Variants in ARHGAP15 observed in about 807,000 individuals in gnomAD.
ARHGAP15 encodes Rho GTPase activating protein 15.
ARHGAP15 carries 51 observed loss-of-function variants against 63.7 expected under a neutral mutation model. The observed-to-expected ratio is 0.80, with a 90% CI of 0.64 to 1.01. The LOEUF is 1.01. Ranked by LOEUF, ARHGAP15 falls within the 50% of genes least tolerant of loss-of-function variation. The pLI is 0.00. For synonymous variants in ARHGAP15, 191 were observed against 193.8 expected, an observed-to-expected ratio of 0.99 and a Z score of 0.12; for missense variants, 560 against 564.6, an observed-to-expected ratio of 0.99 and a Z score of 0.08.
chr2:143,728,224 G>A (rs1171987636), intron 13 of ARHGAP15, among the ~76,000 whole-genome samples: 2 of 152,224 alleles, frequency 1.3e-5, no homozygotes, highest in East Asian at 1.9e-4. Flanking sequence ...TACCCTTCAC[G>A]TGGTTTTACT....
chr2:143,401,739 G>C (rs907748140), intron 6 of ARHGAP15, among the ~76,000 whole-genome samples: 3 of 151,796 alleles, frequency 2.0e-5, no homozygotes, highest in African/African-American at 7.3e-5. Context: ...TAAATCCTGT[G>C]CAGATGTAAT....
chr2:143,369,807 C>G (rs1453294547), intron 6 of ARHGAP15, among the ~76,000 whole-genome samples: 1 of 151,928 alleles, frequency 6.6e-6, no homozygotes, highest in Non-Finnish European at 1.5e-5. Context: ...TATTCTTTTT[C>G]TTCTTCTTCT....
intron 13 of ARHGAP15, among the ~76,000 whole-genome samples, chr2:143,714,845 T>C (rs1195349681): frequency 6.6e-6 from 1 of 152,204 alleles, no homozygotes; most frequent in Admixed American, 6.5e-5. Flanking sequence ...ATTGTTCATA[T>C]CACTATCAGC....
chr2:143,605,858 C>CAAAAAAAAAAAAAAAAAAAAA (rs373847590), intron 11 of ARHGAP15, among the ~76,000 whole-genome samples: 5 of 85,310 alleles, frequency 5.9e-5, no homozygotes, highest in East Asian at 3.5e-4. Flanking sequence ...TACTAAAATA[C>CAAAAAAAAAAAAAAAAAAAAA]AAAAAAAAAA....
At chr2:143,664,318 C>T (rs1282206142) in intron 12 of ARHGAP15, among the ~76,000 whole-genome samples, 1 of 151,256 alleles carries the variant, frequency 6.6e-6, no homozygotes. Context: ...TGAATGACTA[C>T]TGGATACATA....
intron 13 of ARHGAP15, among the ~76,000 whole-genome samples, chr2:143,717,083 C>A (rs991023799): frequency 6.6e-6 from 1 of 152,194 alleles, no homozygotes; most frequent in African/African-American, 2.4e-5. Context: ...GCATGCATGC[C>A]TGCATATATA....
At position 143,237,141 on chromosome 2, in the gene ARHGAP15, G is replaced by A. The variant is rs373082022; in HGVS notation, c.384+8473G>A. The A allele has an allele frequency of 1.2e-4, 19 of 152,134 alleles. No homozygotes were observed. In the East Asian group the frequency reaches 3.5e-3, roughly 28 times the overall value. The allele number at this position is 152,134 out of a possible 1,614,324, so 9.4% of individuals were successfully genotyped here. On this transcript the variant is annotated intron_variant, in intron 5 of 13. Transcript: ENST00000295095. ...TTAAGAGAGACTCAGAGTTTTCAGAGACATGTTTAGGGAACTGATATATAT... is the reference window on the plus strand; with the variant it reads ...TTAAGAGAGACTCAGAGTTTTCAGAAACATGTTTAGGGAACTGATATATAT...
intron 6 of ARHGAP15, among the ~76,000 whole-genome samples, chr2:143,383,014 A>C (rs6755798): frequency 0.38 from 57,731 of 151,996 alleles, 11,266 homozygotes; most frequent in African/African-American, 0.46. Context: ...AAGTACCAGT[A>C]ACACTAGCCA....
intron 10 of ARHGAP15, among the ~76,000 whole-genome samples, chr2:143,537,603 C>A (rs1694840139): frequency 1.3e-5 from 2 of 152,294 alleles, no homozygotes; most frequent in Non-Finnish European, 1.5e-5. Flanking sequence ...ATATGGCTAG[C>A]CAGTTTTCCC....
chr2:143,310,842 A>C (rs1242873665), intron 6 of ARHGAP15, among the ~76,000 whole-genome samples: 5 of 152,054 alleles, frequency 3.3e-5, no homozygotes, highest in Non-Finnish European at 7.4e-5. Flanking sequence ...GTATAGGTTT[A>C]TATGAATTTT....
At chr2:143,354,883 T>C (rs1685742135) in intron 6 of ARHGAP15, among the ~76,000 whole-genome samples, 1 of 152,198 alleles carries the variant, frequency 6.6e-6, no homozygotes, top group African/African-American at 2.4e-5. Flanking sequence ...AGTCAACTCA[T>C]TTGTTTTTAT....
At chr2:143,164,133 A>T (rs1199173813) in intron 2 of ARHGAP15, among the ~76,000 whole-genome samples, 1 of 151,990 alleles carries the variant, frequency 6.6e-6, no homozygotes, top group Non-Finnish European at 1.5e-5. Flanking sequence ...TCAGTCCCTG[A>T]TGTGTTCAGA....
At chr2:143,331,012 C>A (rs1475369040) in intron 6 of ARHGAP15, among the ~76,000 whole-genome samples, 3 of 152,044 alleles carry the variant, frequency 2.0e-5, no homozygotes, top group Non-Finnish European at 4.4e-5. Flanking sequence ...TAATATGGAC[C>A]TTTGAGTTGA....
intron 10 of ARHGAP15, among the ~76,000 whole-genome samples, chr2:143,532,603 C>T (rs1694568513): frequency 6.6e-6 from 1 of 152,092 alleles, no homozygotes; most frequent in African/African-American, 2.4e-5. Context: ...CTATTCTTGA[C>T]TTAAAGTAGT....
intron 6 of ARHGAP15, among the ~76,000 whole-genome samples, chr2:143,266,790 T>G (rs1681020138): frequency 6.6e-6 from 1 of 152,156 alleles, no homozygotes; most frequent in Non-Finnish European, 1.5e-5. Flanking sequence ...TAAAAATAAG[T>G]TAATGAAGAA....
intron 12 of ARHGAP15, among the ~76,000 whole-genome samples, chr2:143,647,976 G>C (rs943759987): frequency 5.3e-5 from 8 of 151,876 alleles, no homozygotes; most frequent in African/African-American, 1.7e-4. Flanking sequence ...AAATCTAGCA[G>C]CCCAAGAGGG....
chr2:143,356,012 A>G (rs973173757), intron 6 of ARHGAP15, among the ~76,000 whole-genome samples: 10 of 152,158 alleles, frequency 6.6e-5, no homozygotes, highest in Middle Eastern at 3.4e-3. Flanking sequence ...TATGACTCAC[A>G]CACAAAAATG....
chr2:143,236,592 A>C (rs954958706), intron 5 of ARHGAP15: 43 of 152,160 alleles, frequency 2.8e-4, no homozygotes, highest in African/African-American at 1.0e-3. Context: ...GCGTCGTTTT[A>C]TGATAACTCA....
intron 5 of ARHGAP15, among the ~76,000 whole-genome samples, chr2:143,248,212 ACAGT>A (rs1361281430): frequency 6.6e-6 from 1 of 152,184 alleles, no homozygotes; most frequent in African/African-American, 2.4e-5. Context: ...TATATAAAAG[ACAGT>A]CAAAGAAGAC....
Sources: allele counts gnomAD v4.1 joint callset (sites outside exome capture counted in the v4.1 genomes callset), GRCh38; gene constraint gnomAD v4.1.1; transcripts MANE v1.5; gene names NCBI Gene and HGNC (gene_info 2026-07-23, HGNC 2026-07-21).